SPAG16: variants seen among roughly 807,000 people sequenced by gnomAD.
SPAG16 encodes the protein sperm-associated antigen 16 protein.
In SPAG16, 86 loss-of-function variants were observed where a neutral mutation model predicts 80.4. The observed-to-expected ratio is 1.07, with a 90% CI of 0.90 to 1.28. The LOEUF is 1.28. Among genes scored for constraint, SPAG16 ranks in the 50% most tolerant of loss-of-function variants. The pLI is 0.00. For missense variants in SPAG16, 870 were observed against 765.3 expected (o/e 1.14, Z -1.61); for synonymous variants, 294 against 265.9 (o/e 1.11, Z -1.03).
At chr2:213,346,545 A>G (rs913093804) in intron 6 of SPAG16, among the ~76,000 whole-genome samples, 1 of 152,150 alleles carries the variant, frequency 6.6e-6, no homozygotes, top group Non-Finnish European at 1.5e-5. Context: ...TATTATTTTG[A>G]GATACGTCCC....
At chr2:214,052,064 A>G (rs1398383677) in intron 13 of SPAG16, among the ~76,000 whole-genome samples, 2 of 152,198 alleles carry the variant, frequency 1.3e-5, no homozygotes, top group African/African-American at 4.8e-5. Context: ...GTGCTATATA[A>G]GCTCTATTCA....
At chr2:213,942,362 C>T (rs976172345) in intron 12 of SPAG16, among the ~76,000 whole-genome samples, 2 of 152,168 alleles carry the variant, frequency 1.3e-5, no homozygotes, top group Non-Finnish European at 2.9e-5. Flanking sequence ...CACCTTCCTC[C>T]TCCATATTCA....
At chr2:213,880,436 A>G (rs760409783) in intron 11 of SPAG16, among the ~76,000 whole-genome samples, 1 of 152,066 alleles carries the variant, frequency 6.6e-6, no homozygotes, top group Non-Finnish European at 1.5e-5. Context: ...TTGCCTGTTT[A>G]CTCTGTTGAT....
intron 13 of SPAG16, among the ~76,000 whole-genome samples, chr2:214,047,622 A>G (rs2049402863): frequency 6.6e-6 from 1 of 152,180 alleles, no homozygotes; most frequent in Non-Finnish European, 1.5e-5. Flanking sequence ...TCCCCAGGAC[A>G]TTGGTCTGGG....
intron 13 of SPAG16, among the ~76,000 whole-genome samples, chr2:214,030,068 C>T (rs978520450): frequency 5.9e-5 from 9 of 152,110 alleles, no homozygotes; most frequent in Non-Finnish European, 8.8e-5. Context: ...TCTTGTACAG[C>T]AGAGCTCTAG....
chr2:214,263,099 CT>C (rs1209638507), intron 15 of SPAG16, among the ~76,000 whole-genome samples: 1 of 152,046 alleles, frequency 6.6e-6, no homozygotes, highest in African/African-American at 2.4e-5. Context: ...CTTTAAGCAA[CT>C]TTTAAGTATA....
At chr2:213,724,884 T>A (rs1481127327) in intron 10 of SPAG16, among the ~76,000 whole-genome samples, 1 of 151,264 alleles carries the variant, frequency 6.6e-6, no homozygotes, top group African/African-American at 2.4e-5. Flanking sequence ...AAAAGCAGAA[T>A]TTGTGAGTAT....
intron 10 of SPAG16, among the ~76,000 whole-genome samples, chr2:213,611,878 A>G (rs1574489768): frequency 6.6e-6 from 1 of 152,232 alleles, no homozygotes; most frequent in East Asian, 1.9e-4. Context: ...CATTTTCCCT[A>G]TGGCGCTTCA....
At chr2:214,110,626 A>T (rs2053616617) in intron 14 of SPAG16, among the ~76,000 whole-genome samples, 1 of 152,212 alleles carries the variant, frequency 6.6e-6, no homozygotes, top group South Asian at 2.1e-4. Context: ...GAGTAGCATG[A>T]TTTATAATCC....
At chr2:213,352,788 G>A (rs988818188) in intron 7 of SPAG16, among the ~76,000 whole-genome samples, 45 of 152,158 alleles carry the variant, frequency 3.0e-4, no homozygotes, top group African/African-American at 1.0e-3. Flanking sequence ...GATGTGCAAA[G>A]AAATATATCT....
intron 15 of SPAG16, among the ~76,000 whole-genome samples, chr2:214,267,967 A>G (rs1382336586): frequency 6.6e-6 from 1 of 151,936 alleles, no homozygotes; most frequent in African/African-American, 2.4e-5. Context: ...AAATCAAACT[A>G]CTTAATAAGT....
intron 10 of SPAG16, among the ~76,000 whole-genome samples, chr2:213,663,579 G>A (rs115680712): frequency 0.019 from 2,903 of 152,078 alleles, 80 homozygotes; most frequent in African/African-American, 0.064. Context: ...ATTTGATAAC[G>A]TATACATAAA....
chr2:213,759,861 C>T (rs1357938635), intron 10 of SPAG16, among the ~76,000 whole-genome samples: 1 of 151,868 alleles, frequency 6.6e-6, no homozygotes, highest in South Asian at 2.1e-4. Context: ...ATGGTGAAAC[C>T]CTGTCTCTAC....
At chr2:213,920,927 A>G (rs1353349845) in intron 11 of SPAG16, among the ~76,000 whole-genome samples, 2 of 152,318 alleles carry the variant, frequency 1.3e-5, no homozygotes, top group Non-Finnish European at 2.9e-5. Context: ...TATCCGTCAT[A>G]GTTTAGGGGT....
chr2:213,805,212 A>G (rs1277423556), intron 10 of SPAG16, among the ~76,000 whole-genome samples: 1 of 152,206 alleles, frequency 6.6e-6, no homozygotes, highest in African/African-American at 2.4e-5. Flanking sequence ...AAGAGCACAC[A>G]TAGAAAGGGC....
At chr2:213,513,770 G>A (rs755521647) in intron 10 of SPAG16, among the ~76,000 whole-genome samples, 3 of 152,084 alleles carry the variant, frequency 2.0e-5, no homozygotes, top group Non-Finnish European at 4.4e-5. Context: ...TATTTATGAG[G>A]TGGCTGCTTG....
rs181503556 is a variant in SPAG16, at chr2:214,293,773, C to T, written c.1721-116367C>T. Among the ~76,000 whole-genome samples, 7 of 152,308 alleles carry T rather than the reference C, an allele frequency of 4.6e-5. No individual in the cohort carries two copies. The East Asian group carries it at 7.7e-4, about 17-fold the overall frequency. ...AAAGTTCCTGGCCTTCCATCTCCCTCCTGTGGCAGCTCTGGTAGCAGTGGC... is the reference window on the plus strand; with the variant it reads ...AAAGTTCCTGGCCTTCCATCTCCCTTCTGTGGCAGCTCTGGTAGCAGTGGC... On this transcript the variant is annotated intron_variant, in intron 15 of 15. Coordinates refer to ENST00000331683, the MANE Select transcript of SPAG16 (RefSeq NM_024532.5).
chr2:213,625,807 C>T (rs937220702), intron 10 of SPAG16, among the ~76,000 whole-genome samples: 1 of 152,122 alleles, frequency 6.6e-6, no homozygotes, highest in East Asian at 1.9e-4. Flanking sequence ...CCTGCCTCAG[C>T]CTCCGGAGTA....
chr2:214,340,020 T>G (rs1393831491), intron 15 of SPAG16, among the ~76,000 whole-genome samples: 18 of 152,144 alleles, frequency 1.2e-4, no homozygotes, highest in Admixed American at 1.2e-3. Context: ...AGATAATAAA[T>G]ATGTGTTACC....
Sources: allele counts gnomAD v4.1 joint callset (sites outside exome capture counted in the v4.1 genomes callset), GRCh38; gene constraint gnomAD v4.1.1; transcripts MANE v1.5; gene names NCBI Gene and HGNC (gene_info 2026-07-23, HGNC 2026-07-21).